Variants in GPR158 observed in about 807,000 individuals in gnomAD.
GPR158 encodes G protein-coupled receptor 158.
Under a neutral mutation model 78.2 loss-of-function variants are expected in GPR158, and 30 were observed. The ratio of observed to expected loss-of-function variants is 0.38; its 90% confidence interval spans 0.29 to 0.52. The LOEUF (loss-of-function observed/expected upper bound fraction) is 0.52, where lower values mean the gene tolerates loss of function less well. Among genes scored for constraint, GPR158 ranks in the 20% least tolerant of loss-of-function variants. The pLI, the probability that GPR158 is intolerant of heterozygous loss-of-function variation, is 0.83. For synonymous variants in GPR158, 581 were observed against 591.1 expected (o/e 0.98, Z 0.25); for missense variants, 1,463 against 1,523.5 (o/e 0.96, Z 0.66).
intron 4 of GPR158, among the ~76,000 whole-genome samples, chr10:25,453,091 G>A (rs1588871485): frequency 6.6e-6 from 1 of 152,126 alleles, no homozygotes; most frequent in East Asian, 1.9e-4. Flanking sequence ...ATTCCATTGT[G>A]TACATACACC....
At chr10:25,470,889 A>G (rs1465504259) in intron 5 of GPR158, among the ~76,000 whole-genome samples, 2 of 151,986 alleles carry the variant, frequency 1.3e-5, no homozygotes, top group Non-Finnish European at 2.9e-5. Flanking sequence ...TTTAAAATCA[A>G]TTTTCCACCC....
At chr10:25,583,198 C>T (rs1837225928) in intron 7 of GPR158, among the ~76,000 whole-genome samples, 1 of 152,068 alleles carries the variant, frequency 6.6e-6, no homozygotes, top group African/African-American at 2.4e-5. Context: ...TTGTGAAATG[C>T]ACTGTAACTT....
chr10:25,345,982 C>T (rs1351657674), intron 2 of GPR158, among the ~76,000 whole-genome samples: 1 of 151,860 alleles, frequency 6.6e-6, no homozygotes, highest in East Asian at 1.9e-4. Context: ...GCTTCTTGAG[C>T]ATGAGGAGCA....
At chr10:25,306,028 C>T (rs1854671990) in intron 2 of GPR158, among the ~76,000 whole-genome samples, 1 of 151,980 alleles carries the variant, frequency 6.6e-6, no homozygotes, top group African/African-American at 2.4e-5. Context: ...CTCTCTACTC[C>T]CGTTATTATC....
intron 1 of GPR158, among the ~76,000 whole-genome samples, chr10:25,211,959 G>C (rs558790322): frequency 1.9e-4 from 29 of 152,134 alleles, no homozygotes; most frequent in African/African-American, 6.7e-4. Context: ...CTAATATTTG[G>C]TTGGGCAAGT....
chr10:25,538,537 G>A (rs747194960), intron 5 of GPR158, among the ~76,000 whole-genome samples: 14 of 152,052 alleles, frequency 9.2e-5, no homozygotes, highest in African/African-American at 2.4e-4. Context: ...ACTGGAGTGC[G>A]ATGGTTATTC....
At chr10:25,470,298 G>A (rs1299023674) in intron 5 of GPR158, among the ~76,000 whole-genome samples, 1 of 152,058 alleles carries the variant, frequency 6.6e-6, no homozygotes, top group East Asian at 1.9e-4. Context: ...TGAGAAGTGG[G>A]GTATTTTCGG....
intron 5 of GPR158, among the ~76,000 whole-genome samples, chr10:25,485,417 A>G (rs1400535730): frequency 1.3e-5 from 2 of 152,172 alleles, no homozygotes; most frequent in African/African-American, 2.4e-5. Flanking sequence ...AGCCCACCCT[A>G]AAAAGATCCA....
At chr10:25,250,456 A>G (rs544335826) in intron 2 of GPR158, among the ~76,000 whole-genome samples, 3 of 146,666 alleles carry the variant, frequency 2.0e-5, no homozygotes, top group Admixed American at 6.8e-5. Context: ...ATTTAGTGCT[A>G]TAAATTTCCC....
At chr10:25,541,159 A>G (rs1377485969) in intron 5 of GPR158, among the ~76,000 whole-genome samples, 2 of 151,732 alleles carry the variant, frequency 1.3e-5, no homozygotes, top group Admixed American at 6.6e-5. Context: ...AATTTTACCA[A>G]ACTAATGAGT....
intron 3 of GPR158, among the ~76,000 whole-genome samples, chr10:25,404,005 TAAGA>T (rs1834479463): frequency 6.6e-6 from 1 of 152,084 alleles, no homozygotes; most frequent in Non-Finnish European, 1.5e-5. Flanking sequence ...ATCATAAGCT[TAAGA>T]TACCATTAAA....
At chr10:25,476,384 G>GTTTTTTTTTTTTTTTTTTTTTT (rs56271781) in intron 5 of GPR158, among the ~76,000 whole-genome samples, 1 of 144,436 alleles carries the variant, frequency 6.9e-6, no homozygotes, top group Non-Finnish European at 1.5e-5. Flanking sequence ...TTTAATAAGG[G>GTTTTTTTTTTTTTTTTTTTTTT]TTTTTTTTTT....
At chr10:25,431,909 G>A (rs1025956531) in intron 4 of GPR158, among the ~76,000 whole-genome samples, 6 of 152,014 alleles carry the variant, frequency 3.9e-5, no homozygotes, top group African/African-American at 1.2e-4. Context: ...GCTAAATGAC[G>A]AGTTAATGGG....
At chr10:25,295,570 C>T (rs1392235726) in intron 2 of GPR158, among the ~76,000 whole-genome samples, 4 of 152,048 alleles carry the variant, frequency 2.6e-5, no homozygotes, top group Admixed American at 2.0e-4. Context: ...CCCGCCACTA[C>T]GCCCGGCTAA....
intron 2 of GPR158, among the ~76,000 whole-genome samples, chr10:25,283,908 G>A (rs1854311133): frequency 6.6e-6 from 1 of 151,688 alleles, no homozygotes; most frequent in Admixed American, 6.6e-5. Flanking sequence ...TTAATTTTAA[G>A]TATTTGGGGA....
chr10:25,317,720 T>TG lies in GPR158; in HGVS notation c.1009-78191_1009-78190insG, dbSNP rs201967165. On this transcript the variant is annotated intron_variant, in intron 2 of 10. Coordinates refer to ENST00000376351, the MANE Select transcript of GPR158 (RefSeq NM_020752.3). Reference sequence around the variant, plus strand: ...ATTCTGTTTTCTTCGTAAAGTGTTTTTTTTTGTTTTGTTTTGTTTTGTTTT... The same window carrying TG: ...ATTCTGTTTTCTTCGTAAAGTGTTTTGTTTTTGTTTTGTTTTGTTTTGTTTT... 9.5e-4 allele frequency among the ~76,000 whole-genome samples: 121 copies of TG among 127,536 alleles called. 2 individuals carry two copies. The highest frequency in any genetic ancestry group is 2.5e-3 in the African/African-American group (67 of 26,648). 83.7% of individuals were successfully genotyped at this position (127,536 alleles called of 152,430 possible).
intron 5 of GPR158, among the ~76,000 whole-genome samples, chr10:25,494,282 CTATAT>C (rs1201205358): frequency 1.3e-5 from 2 of 152,084 alleles, no homozygotes; most frequent in Non-Finnish European, 2.9e-5. Flanking sequence ...ATTTACCAAT[CTATAT>C]TATGAGTTAA....
chr10:25,357,531 C>T (rs1855570538), intron 2 of GPR158, among the ~76,000 whole-genome samples: 1 of 152,094 alleles, frequency 6.6e-6, no homozygotes, highest in Non-Finnish European at 1.5e-5. Context: ...CTGCTCCAGT[C>T]ATGACCAAAA....
chr10:25,298,206 A>G (rs1010890980), intron 2 of GPR158, among the ~76,000 whole-genome samples: 1 of 152,218 alleles, frequency 6.6e-6, no homozygotes, highest in African/African-American at 2.4e-5. Flanking sequence ...TCTACATGTT[A>G]GAATCTCTGC....
Sources: gnomAD v4.1 joint callset for allele counts (sites outside exome capture counted in the v4.1 genomes callset) on GRCh38, gnomAD v4.1.1 for gene constraint, MANE v1.5 for transcripts, NCBI Gene and HGNC (gene_info 2026-07-23, HGNC 2026-07-21) for gene names.